The following APBA3 variants were observed in gnomAD, a reference collection of about 807,000 sequenced individuals.
The protein encoded by APBA3 is amyloid beta precursor protein binding family A member 3, also known as amyloid-beta A4 precursor protein-binding family A member 3.
In APBA3, 45 loss-of-function variants were observed where a neutral mutation model predicts 55.9. That is an observed-to-expected ratio of 0.80 (90% CI 0.63 to 1.03). APBA3 has a LOEUF of 1.03. Ranked by LOEUF, APBA3 falls within the 50% of genes least tolerant of loss-of-function variation. The probability of loss-of-function intolerance (pLI) is 0.00; values close to 1 mark genes in which losing one functional copy is unlikely to be tolerated. For missense variants in APBA3, 865 were observed against 820.3 expected (o/e 1.05, Z -0.67); for synonymous variants, 370 against 353.3 (o/e 1.05, Z -0.53).
At chr19:3,751,364 G>C in intron 9 of APBA3, 35 bp from the exon 10 acceptor site, 1 of 1,518,040 alleles carries the variant, frequency 6.6e-7, no homozygotes, top group East Asian at 2.5e-5. Context: ...GAAAGAGGTG[G>C]GGGCTGCTCA....
intron 3 of APBA3, among the ~76,000 whole-genome samples, chr19:3,759,160 T>C (rs890308307): frequency 6.6e-6 from 1 of 151,666 alleles, no homozygotes; most frequent in Non-Finnish European, 1.5e-5. Flanking sequence ...ACCTGGGAGA[T>C]GGAGGTTGCA....
Position 3,751,563 on chromosome 19 carries a change from G to T in APBA3, c.1396-10C>A. ...TCTGCGACTTCGTCTCCTGTGGGGCGGGGGCCGTTGGCCTCACTCAGCTGC... is the reference window on the plus strand; with the variant it reads ...TCTGCGACTTCGTCTCCTGTGGGGCTGGGGCCGTTGGCCTCACTCAGCTGC... On this transcript the variant is annotated splice_polypyrimidine_tract_variant and intron_variant, in intron 8 of 10. Coordinates refer to ENST00000316757, the MANE Select transcript of APBA3 (RefSeq NM_004886.4). 1 of 1,578,590 alleles carries T rather than the reference G, an allele frequency of 6.3e-7. No individual in the cohort carries two copies. Among genetic ancestry groups the T allele is most frequent in the Non-Finnish European group, 8.6e-7 (1 of 1,167,822 alleles).
Position 3,751,263 on chromosome 19 carries a change from C to T in APBA3, c.1582G>A (p.Glu528Lys). Residue 528 changes from glutamate (E) to lysine (K), a missense_variant, in exon 10 of 11, where the codon GAG becomes AAG. Transcript: ENST00000316757. ...GCCACCACACTCTGCCCATTGATCTCAATGATGCGGTGGCCGACGCGGATG... is the reference window on the plus strand; with the variant it reads ...GCCACCACACTCTGCCCATTGATCTTAATGATGCGGTGGCCGACGCGGATG... ...GGIRVGHRIIEINGQSVVATP... is the reference protein window; with the variant it reads ...GGIRVGHRIIKINGQSVVATP... The T allele has an allele frequency of 6.5e-7, 1 of 1,546,112 alleles. No homozygotes were observed. The highest frequency in any genetic ancestry group is 8.7e-7 in the Non-Finnish European group (1 of 1,147,864).
chr19:3,754,654 C>G, intron 3 of APBA3: 1 of 318,702 alleles, frequency 3.1e-6, no homozygotes, highest in Non-Finnish European at 5.8e-6. Context: ...ATGATCAGGC[C>G]GGAACCAGAC....
rs992972785 is a variant in APBA3 at position 3,761,287 on chromosome 19, A to G, written c.-38+249T>C. On this transcript the variant is annotated intron_variant, in intron 1 of 10. Transcript: ENST00000316757. ...CCCAAGACCCCAGACCCAAGACCCC[A>G]GTCCCATGACCTCAACCCCCAATAC... Among the ~76,000 whole-genome samples, 7 of 151,944 alleles carry G rather than the reference A, an allele frequency of 4.6e-5. 1 individual carries two copies. Among genetic ancestry groups the G allele is most frequent in the Admixed American group, 3.9e-4 (6 of 15,248 alleles).
At chr19:3,753,953 G>A in intron 5 of APBA3, 27 bp from the exon 6 acceptor site, 1 of 1,560,244 alleles carries the variant, frequency 6.4e-7, no homozygotes, top group South Asian at 1.2e-5. Flanking sequence ...AGCCTGGGTG[G>A]GTTGGGGGGC....
rs374189083 is a variant in APBA3 at position 3,759,728 on chromosome 19, C to T, written c.537G>A (p.Val179=). 3.1e-4 allele frequency: 503 copies of T among 1,612,624 alleles called. No individual in the cohort carries two copies. The highest frequency in any genetic ancestry group is 4.1e-4 in the Non-Finnish European group (478 of 1,179,878). The part of the protein sequence containing the change: ...SSSPEPWLET[V]PLVTPEEPPA... ...GTGGCTCTTCAGGTGTGACTAGAGG[C>T]ACCGTCTCCAGCCAGGGTTCCGGGG... is the stretch of plus-strand genomic sequence containing the variant. Residue 179 remains valine (V), a synonymous_variant, in exon 2 of 11, where the codon GTG becomes GTA. Transcript: ENST00000316757.
chr19:3,754,715 G>A, intron 3 of APBA3: 1 of 190,058 alleles, frequency 5.3e-6, no homozygotes, highest in Non-Finnish European at 1.1e-5. Context: ...CGCCCAGGCT[G>A]GAGCTCGGTG....
At chr19:3,753,956 TG>T in intron 5 of APBA3, 30 bp from the exon 6 acceptor site, 2 of 1,561,130 alleles carry the variant, frequency 1.3e-6, no homozygotes, top group Non-Finnish European at 1.7e-6. Context: ...CTGGGTGGGT[TG>T]GGGGGCCGTG....
chr19:3,759,616 G>A lies in APBA3; in HGVS notation c.577-16C>T. 1.9e-6 allele frequency: 3 copies of A among 1,601,618 alleles called. No homozygotes were observed. The highest frequency in any genetic ancestry group is 2.6e-6 in the Non-Finnish European group (3 of 1,175,544). ...TCTCGGGGCTCTGGAAGAAGATAGAGGAGGGGCAGGACTGAGTCTCCCTGC... is the reference window on the plus strand; with the variant it reads ...TCTCGGGGCTCTGGAAGAAGATAGAAGAGGGGCAGGACTGAGTCTCCCTGC... On this transcript the variant is annotated splice_polypyrimidine_tract_variant and intron_variant, in intron 2 of 10. Transcript: ENST00000316757.
rs749510543 is a variant in APBA3 at position 3,751,199 on chromosome 19, G to A, written c.1646C>T (p.Ala549Val). ...CCACCACCCGCACACCTCGCCATAG[G>A]CCTCGGTGAGCAGCTCGATGATGCG... ...HARIIELLTE[A>V]YGEVHIKTMP... The change falls in exon 10 of 11, where the codon GCC becomes GTC. Residue 549 changes from alanine (A) to valine (V), a missense_variant. Physicochemically the swap from Ala to Val is moderately conservative, Grantham distance 64. Transcript: ENST00000316757. 1.3e-6 allele frequency: 2 copies of A among 1,551,818 alleles called. No individual in the cohort carries two copies. The highest frequency in any genetic ancestry group is 1.7e-6 in the Non-Finnish European group (2 of 1,148,670).
At chr19:3,753,255 T>G in intron 6 of APBA3, 1 of 513,486 alleles carries the variant, frequency 1.9e-6, no homozygotes, top group Non-Finnish European at 3.4e-6. Context: ...TGGGAAAAGC[T>G]ATCAAAGACC....
chr19:3,752,866 T>G lies in APBA3; in HGVS notation c.1136A>C (p.His379Pro). The G allele has an allele frequency of 5.0e-6, 8 of 1,613,384 alleles. No individual in the cohort carries two copies. The highest frequency in any genetic ancestry group is 6.8e-6 in the Non-Finnish European group (8 of 1,179,862). Reference sequence around the variant, plus strand: ...GGAGAAGTGGTCCAGGTCCCCATTATGGAGGTGGCAGGCGCCTGGGCTCGG... The same window carrying G: ...GGAGAAGTGGTCCAGGTCCCCATTAGGGAGGTGGCAGGCGCCTGGGCTCGG... ...VHPSPGACHL[H>P]NGDLDHFSNS... Residue 379 changes from histidine to proline, a missense_variant, in exon 7 of 11, where the codon CAT (histidine) becomes CCT (proline). Coordinates refer to ENST00000316757, the MANE Select transcript of APBA3 (RefSeq NM_004886.4).
rs562487960 is a variant in APBA3 at position 3,752,511 on chromosome 19, G to A, written c.1392C>T (p.Val464=). Reference sequence around the variant, plus strand: ...CCTGCCACACCAGGAAACTCACGCGGACAGCGGCCTGGCACGCAGCCAGGG... The same window carrying A: ...CCTGCCACACCAGGAAACTCACGCGAACAGCGGCCTGGCACGCAGCCAGGG... ...GLPLAACQAA[V]RETKSQTSVT... The change falls in exon 8 of 11, where the codon GTC becomes GTT. Residue 464 remains valine (V), a synonymous_variant. Coordinates refer to ENST00000316757, the MANE Select transcript of APBA3 (RefSeq NM_004886.4). 2 of 1,572,528 alleles carry A rather than the reference G, an allele frequency of 1.3e-6. No individual in the cohort carries two copies. Among genetic ancestry groups the A allele is most frequent in the Middle Eastern group, 2.1e-4 (1 of 4,854 alleles).
chr19:3,753,818 C>T lies in APBA3; in HGVS notation c.958G>A (p.Asp320Asn), dbSNP rs200303476. The T allele has an allele frequency of 1.1e-3, 1,734 of 1,575,858 alleles. 17 individuals are homozygous for T. The Admixed American group carries it at 0.019, about 17-fold the overall frequency. Residue 320 changes from aspartate (D) to asparagine (N), a missense_variant, in exon 6 of 11, where the codon GAC (aspartate) becomes AAC (asparagine). Physicochemically the swap from Asp to Asn is conservative, Grantham distance 23 (BLOSUM62 1). Coordinates refer to ENST00000316757, the MANE Select transcript of APBA3 (RefSeq NM_004886.4). ...ATCTTGTAGAGGCGGCGGCCGTGGTCCTGGGGTGCCGGCCTCCGTGCCAGC... is the reference window on the plus strand; with the variant it reads ...ATCTTGTAGAGGCGGCGGCCGTGGTTCTGGGGTGCCGGCCTCCGTGCCAGC... ...RRLARRPAPQ[D>N]HGRRLYKMLC...
chr19:3,760,938 C>T (rs888152997), intron 1 of APBA3, among the ~76,000 whole-genome samples: 1 of 151,984 alleles, frequency 6.6e-6, no homozygotes, highest in Non-Finnish European at 1.5e-5. Flanking sequence ...ACCCGAAAAA[C>T]AAAAAACTTG....
Position 3,754,198 on chromosome 19 carries a change from G to C in APBA3, c.759C>G (p.Val253=), listed in dbSNP as rs2037047716. 6.5e-7 allele frequency: 1 copy of C among 1,541,852 alleles called. No individual in the cohort carries two copies. Among genetic ancestry groups the C allele is most frequent in the Non-Finnish European group, 8.8e-7 (1 of 1,142,692 alleles). The part of the protein sequence containing the change: ...MAQAREAMDR[V]KAPDGETQPM... ...CCGGCCCCGGCCGCCCCCTCACCTT[G>C]ACGCGGTCCATGGCCTCCCGGGCCT... The change falls in exon 4 of 11, where the codon GTC becomes GTG. Residue 253 remains valine (V), a synonymous_variant. Coordinates refer to ENST00000316757, the MANE Select transcript of APBA3 (RefSeq NM_004886.4).
chr19:3,752,745 G>C (rs752397685), intron 7 of APBA3, 25 bp from the exon 8 acceptor site: 8 of 1,606,864 alleles, frequency 5.0e-6, no homozygotes, highest in African/African-American at 2.7e-5. Flanking sequence ...GGGCGCGGAG[G>C]CTGCTCAGCA....
At chr19:3,753,188 A>T in intron 6 of APBA3, 198 bp from the exon 7 acceptor site, 2 of 630,968 alleles carry the variant, frequency 3.2e-6, no homozygotes, top group East Asian at 2.8e-5. Context: ...AAGGAAGGGG[A>T]GGGGCAGCCC....
Sources: allele counts gnomAD v4.1 joint callset (sites outside exome capture counted in the v4.1 genomes callset), GRCh38; gene constraint gnomAD v4.1.1; transcripts MANE v1.5; gene names NCBI Gene and HGNC (gene_info 2026-07-23, HGNC 2026-07-21).